The following TFF2 variants were observed in gnomAD, a reference collection of about 807,000 sequenced individuals.
TFF2 encodes trefoil factor 2.
Under a neutral mutation model 16.0 loss-of-function variants are expected in TFF2, and 19 were observed. That is an observed-to-expected ratio of 1.19 (90% CI 0.83 to 1.74). TFF2 has a LOEUF of 1.74. TFF2 is among the 40% of genes most tolerant of loss of function. The pLI is 0.00. For missense variants in TFF2, 168 were observed against 166.8 expected, an observed-to-expected ratio of 1.01 and a Z score of -0.04; for synonymous variants, 61 against 65.4, an observed-to-expected ratio of 0.93 and a Z score of 0.32.
chr21:42,348,444 T>A (rs1199920425), intron 2 of TFF2, among the ~76,000 whole-genome samples: 1 of 152,028 alleles, frequency 6.6e-6, no homozygotes, highest in Non-Finnish European at 1.5e-5. Context: ...TATATATATA[T>A]ATATTTTTTT....
intron 2 of TFF2, among the ~76,000 whole-genome samples, chr21:42,348,799 A>C (rs1220096008): frequency 1.3e-5 from 2 of 150,450 alleles, no homozygotes; most frequent in South Asian, 4.2e-4. Context: ...CCAGGCTAGT[A>C]CCAGACTAAA....
intron 1 of TFF2, 200 bp from the exon 2 acceptor site, chr21:42,350,230 G>GC: frequency 2.6e-6 from 3 of 1,171,430 alleles, no homozygotes; most frequent in Non-Finnish European, 3.2e-6. Context: ...TAGTTTAAAA[G>GC]GAAAAAAAAA....
chr21:42,347,784 C>A, intron 2 of TFF2, 152 bp from the exon 3 acceptor site: 1 of 1,032,696 alleles, frequency 9.7e-7, no homozygotes, highest in South Asian at 1.7e-5. Flanking sequence ...ACGGCCTCCC[C>A]CGGGGACTGT....
intron 2 of TFF2, among the ~76,000 whole-genome samples, chr21:42,348,838 C>A (rs2146393669): frequency 6.6e-6 from 1 of 152,220 alleles, no homozygotes; most frequent in East Asian, 1.9e-4. Flanking sequence ...GACTAGCAGT[C>A]CAGGCTAGTC....
At chr21:42,348,560 C>CTGGG (rs1240325291) in intron 2 of TFF2, among the ~76,000 whole-genome samples, 1 of 152,168 alleles carries the variant, frequency 6.6e-6, no homozygotes, top group Admixed American at 6.5e-5. Context: ...GTTGGCTGAC[C>CTGGG]TGGGTTACCT....
chr21:42,350,145 G>A, intron 1 of TFF2, 115 bp from the exon 2 acceptor site: 1 of 1,398,038 alleles, frequency 7.2e-7, no homozygotes. Context: ...GAAACACAAA[G>A]TCTTATCTTG....
chr21:42,349,037 CAG>C (rs1418461701), intron 2 of TFF2, among the ~76,000 whole-genome samples: 3 of 151,458 alleles, frequency 2.0e-5, no homozygotes, highest in African/African-American at 7.3e-5. Flanking sequence ...GGGCTAGCCC[CAG>C]ACTAACCAAC....
intron 1 of TFF2, 200 bp from the exon 2 acceptor site, chr21:42,350,230 G>GT: frequency 3.4e-6 from 4 of 1,171,384 alleles, no homozygotes; most frequent in Non-Finnish European, 3.2e-6. Flanking sequence ...TAGTTTAAAA[G>GT]GAAAAAAAAA....
chr21:42,346,403 C>A lies in TFF2; in HGVS notation c.*130G>T. ...TATTTAAAGAAATTATATGTTAAAC[C>A]ATTGAAAATGAGGAAAAGATGGTTA... On this transcript the variant is annotated 3_prime_UTR_variant, in exon 4 of 4. Coordinates refer to ENST00000291526, the MANE Select transcript of TFF2 (RefSeq NM_005423.5). 8.3e-7 allele frequency: 1 copy of A among 1,201,562 alleles called. No homozygotes were observed. The highest frequency in any genetic ancestry group is 1.3e-5 in the South Asian group (1 of 76,956). 74.4% of individuals were successfully genotyped at this position (1,201,562 alleles called of 1,614,324 possible).
intron 1 of TFF2, 152 bp from the exon 2 acceptor site, chr21:42,350,182 C>A: frequency 7.7e-7 from 1 of 1,299,850 alleles, no homozygotes; most frequent in Non-Finnish European, 9.8e-7. Flanking sequence ...GCGGTTTCCT[C>A]CTGAGAAGCC....
rs186034256 is a variant in TFF2 at position 42,349,920 on chromosome 21, T to A, written c.190A>T (p.Thr64Ser). 1 of 1,601,522 alleles carries A rather than the reference T, an allele frequency of 6.2e-7. No homozygotes were observed. The highest frequency in any genetic ancestry group is 2.2e-5 in the East Asian group (1 of 44,528). ...DNGCCFDSSV[T>S]GVPWCFHPLP... ...GGGTGGAAACACCAGGGGACCCCAG[T>A]GACACTGGAGTCGAAACAGCATCCA... The change falls in exon 2 of 4, where the codon ACT becomes TCT. Residue 64 changes from threonine (T) to serine (S), a missense_variant. By Grantham distance (58) the Thr-to-Ser change is moderately conservative (BLOSUM62 1). Coordinates refer to ENST00000291526, the MANE Select transcript of TFF2 (RefSeq NM_005423.5).
At chr21:42,347,768 C>A in intron 2 of TFF2, 136 bp from the exon 3 acceptor site, 16 of 1,155,626 alleles carry the variant, frequency 1.4e-5, no homozygotes, top group Non-Finnish European at 1.9e-5. Flanking sequence ...GGCAGCATCC[C>A]CCGGGACGGC....
chr21:42,346,828 T>C (rs181744268), intron 3 of TFF2, among the ~76,000 whole-genome samples: 178 of 152,334 alleles, frequency 1.2e-3, no homozygotes, highest in African/African-American at 3.9e-3. Context: ...AATATTTCGC[T>C]CTTTGGAGTG....
intron 3 of TFF2, 51 bp downstream of exon 3, chr21:42,347,435 G>T (rs2052077392): frequency 1.2e-6 from 2 of 1,611,912 alleles, no homozygotes; most frequent in Non-Finnish European, 1.7e-6. Flanking sequence ...ACGGACGGAG[G>T]AGGAATCATG....
At chr21:42,350,099 C>T (rs34169855) in intron 1 of TFF2, 69 bp from the exon 2 acceptor site, 1 of 1,516,800 alleles carries the variant, frequency 6.6e-7, no homozygotes, top group Admixed American at 2.0e-5. Context: ...CTCAGAGGTT[C>T]TAGGGGATGC....
At chr21:42,350,339 C>T in intron 1 of TFF2, 1 of 296,714 alleles carries the variant, frequency 3.4e-6, no homozygotes, top group African/African-American at 2.2e-5. Flanking sequence ...CCATCCTGGG[C>T]AACATGTCGA....
At chr21:42,347,279 A>G (rs982586399) in intron 3 of TFF2, among the ~76,000 whole-genome samples, 1 of 152,248 alleles carries the variant, frequency 6.6e-6, no homozygotes, top group Admixed American at 6.5e-5. Context: ...CGCAGTGGCA[A>G]TGCTGGAGGC....
rs1242279379 is a variant in TFF2 at position 42,349,020 on chromosome 21, C to G, written c.229+861G>C. Among the ~76,000 whole-genome samples, 2 of 151,690 alleles carry G rather than the reference C, an allele frequency of 1.3e-5. 1 individual carries two copies. The highest frequency in any genetic ancestry group is 4.2e-4 in the South Asian group (2 of 4,788). ...ACAACCTGGGCTAGCTCCAGACTAACAAACCTGGGCTAGCCCCAGACTAAC... is the reference window on the plus strand; with the variant it reads ...ACAACCTGGGCTAGCTCCAGACTAAGAAACCTGGGCTAGCCCCAGACTAAC... On this transcript the variant is annotated intron_variant, in intron 2 of 3. Transcript: ENST00000291526.
intron 2 of TFF2, among the ~76,000 whole-genome samples, chr21:42,348,224 T>C (rs981656840): frequency 9.6e-6 from 1 of 104,188 alleles, no homozygotes; most frequent in Non-Finnish European, 2.1e-5. Context: ...ACACACAACC[T>C]TCCTTTGAGC....
Sources: gnomAD v4.1 joint callset for allele counts (sites outside exome capture counted in the v4.1 genomes callset) on GRCh38, gnomAD v4.1.1 for gene constraint, MANE v1.5 for transcripts, NCBI Gene and HGNC (gene_info 2026-07-23, HGNC 2026-07-21) for gene names.